CCDC148: variants seen among roughly 807,000 people sequenced by gnomAD.
CCDC148 encodes coiled-coil domain-containing protein 148.
A neutral mutation model predicts 85.7 loss-of-function variants in CCDC148; 89 were observed. The ratio of observed to expected loss-of-function variants is 1.04; its 90% confidence interval spans 0.87 to 1.24. The LOEUF (loss-of-function observed/expected upper bound fraction) is 1.24. Ranked by LOEUF, CCDC148 falls within the 50% of genes most tolerant of loss-of-function variation. The pLI is 0.00. For synonymous variants in CCDC148, 230 were observed against 213.9 expected (o/e 1.08, Z -0.66); for missense variants, 692 against 671.7 (o/e 1.03, Z -0.33).
chr2:158,410,620 C>T (rs1366433523), intron 1 of CCDC148, among the ~76,000 whole-genome samples: 1 of 152,048 alleles, frequency 6.6e-6, no homozygotes, highest in East Asian at 1.9e-4. Flanking sequence ...CATATAAAAT[C>T]TCTATACTTT....
intron 1 of CCDC148, among the ~76,000 whole-genome samples, chr2:158,400,223 G>A (rs903230110): frequency 6.6e-5 from 10 of 152,052 alleles, no homozygotes; most frequent in African/African-American, 2.2e-4. Flanking sequence ...AAGTTCATAT[G>A]AAACCAAAAA....
At chr2:158,176,444 T>C (rs1336970290) in intron 13 of CCDC148, 77 bp downstream of exon 13, 2 of 1,421,522 alleles carry the variant, frequency 1.4e-6, no homozygotes, top group Non-Finnish European at 1.9e-6. Context: ...AAAACTGTTG[T>C]AACCCCAAAC....
intron 9 of CCDC148, among the ~76,000 whole-genome samples, chr2:158,283,901 A>G (rs928524735): frequency 6.6e-5 from 10 of 152,100 alleles, no homozygotes; most frequent in African/African-American, 2.2e-4. Context: ...GATAGACTGG[A>G]TTAAGAAAAT....
At chr2:158,332,123 A>G (rs1693164851) in intron 7 of CCDC148, among the ~76,000 whole-genome samples, 1 of 152,010 alleles carries the variant, frequency 6.6e-6, no homozygotes, top group African/African-American at 2.4e-5. Flanking sequence ...ACAATTTGGC[A>G]TGTTTTTGCA....
At chr2:158,196,545 C>T (rs1685680477) in intron 11 of CCDC148, among the ~76,000 whole-genome samples, 1 of 152,120 alleles carries the variant, frequency 6.6e-6, no homozygotes, top group African/African-American at 2.4e-5. Flanking sequence ...GGTTATGGGT[C>T]AAATTTCCCA....
At position 158,349,771 on chromosome 2, in the gene CCDC148, T is replaced by C. The variant is rs539919023; in HGVS notation, c.148-4453A>G. 2.0e-5 allele frequency among the ~76,000 whole-genome samples: 3 copies of C among 152,054 alleles called. No homozygotes were observed. In the East Asian group the frequency reaches 5.8e-4, roughly 29 times the overall value. ...GATATAATAAAAAATGAAAACTGCA[T>C]GAAGAAAAAAAAGCAAGTGTTAGAA... On this transcript the variant is annotated intron_variant, in intron 2 of 13. Coordinates refer to ENST00000283233, the MANE Select transcript of CCDC148 (RefSeq NM_138803.4).
chr2:158,430,136 C>G (rs184255664), intron 1 of CCDC148, among the ~76,000 whole-genome samples: 21 of 152,224 alleles, frequency 1.4e-4, no homozygotes, highest in Admixed American at 1.2e-3. Context: ...AGCAGTTATT[C>G]GAGTTCACAC....
chr2:158,266,895 CAT>C (rs200568570), intron 9 of CCDC148, among the ~76,000 whole-genome samples: 2,193 of 129,266 alleles, frequency 0.017, 23 homozygotes, highest in Middle Eastern at 0.036. Context: ...TATTTATTTA[CAT>C]ATATATATAC....
At chr2:158,444,958 C>A (rs751966046) in intron 1 of CCDC148, among the ~76,000 whole-genome samples, 1 of 151,916 alleles carries the variant, frequency 6.6e-6, no homozygotes, top group Non-Finnish European at 1.5e-5. Context: ...ATAAGGAGTT[C>A]TTTCCTGATA....
At chr2:158,266,514 C>A (rs1574506600) in intron 9 of CCDC148, among the ~76,000 whole-genome samples, 1 of 152,060 alleles carries the variant, frequency 6.6e-6, no homozygotes, top group Admixed American at 6.6e-5. Flanking sequence ...CAGGTGGTAT[C>A]TGGCTACACG....
chr2:158,405,554 AAAG>A (rs151125544), intron 1 of CCDC148, among the ~76,000 whole-genome samples: 26,824 of 152,106 alleles, frequency 0.18, 3,072 homozygotes, highest in Non-Finnish European at 0.25. Context: ...TGAATTTGCA[AAAG>A]AAGATAGAGC....
intron 11 of CCDC148, among the ~76,000 whole-genome samples, chr2:158,197,952 A>C (rs754212689): frequency 1.3e-5 from 2 of 152,042 alleles, no homozygotes; most frequent in Non-Finnish European, 2.9e-5. Context: ...TCAAAAAGTC[A>C]GAATTAACCC....
intron 9 of CCDC148, among the ~76,000 whole-genome samples, chr2:158,253,338 CCT>C (rs1223755630): frequency 1.3e-5 from 2 of 151,620 alleles, no homozygotes; most frequent in African/African-American, 4.8e-5. Flanking sequence ...TAGCGTTCCT[CCT>C]CTGCCTTCCC....
chr2:158,345,012 A>C (rs1403665580), intron 3 of CCDC148, among the ~76,000 whole-genome samples: 1 of 152,132 alleles, frequency 6.6e-6, no homozygotes, highest in Non-Finnish European at 1.5e-5. Flanking sequence ...TTCCAACAGG[A>C]AGCAAAAGCC....
chr2:158,274,601 C>T (rs1171963139), intron 9 of CCDC148, among the ~76,000 whole-genome samples: 1 of 152,144 alleles, frequency 6.6e-6, no homozygotes, highest in African/African-American at 2.4e-5. Flanking sequence ...AGTCAGCCAA[C>T]TATATTTCCT....
At chr2:158,364,904 A>G (rs1241120733) in intron 1 of CCDC148, among the ~76,000 whole-genome samples, 1 of 152,186 alleles carries the variant, frequency 6.6e-6, no homozygotes, top group Non-Finnish European at 1.5e-5. Context: ...AAATTTTGCA[A>G]TTTATCCATC....
chr2:158,283,206 G>C, intron 9 of CCDC148, among the ~76,000 whole-genome samples: 1 of 152,162 alleles, frequency 6.6e-6, no homozygotes, highest in Non-Finnish European at 1.5e-5. Flanking sequence ...TACCATTCAG[G>C]ACACAGGCAT....
At chr2:158,353,853 A>G (rs1165478893) in intron 2 of CCDC148, among the ~76,000 whole-genome samples, 1 of 152,188 alleles carries the variant, frequency 6.6e-6, no homozygotes, top group Non-Finnish European at 1.5e-5. Context: ...CAAATGTAAA[A>G]GAACAGAAAT....
rs189546982 is a variant in CCDC148, at chr2:158,247,433, C to A, written c.1251+3339G>T. Among the ~76,000 whole-genome samples, 38 of 152,258 alleles carry A rather than the reference C, an allele frequency of 2.5e-4. 1 individual carries two copies. The highest frequency in any genetic ancestry group is 9.1e-4 in the African/African-American group (38 of 41,546). On this transcript the variant is annotated intron_variant, in intron 10 of 13. Transcript: ENST00000283233. ...CCTTCTAGGTACACCCTAGTGAAAGCCTGAACACACGCATCAGTACAAGCT... is the reference window on the plus strand; with the variant it reads ...CCTTCTAGGTACACCCTAGTGAAAGACTGAACACACGCATCAGTACAAGCT...
Sources: gnomAD v4.1 joint callset for allele counts (sites outside exome capture counted in the v4.1 genomes callset) on GRCh38, gnomAD v4.1.1 for gene constraint, MANE v1.5 for transcripts, NCBI Gene and HGNC (gene_info 2026-07-23, HGNC 2026-07-21) for gene names.